Variants in PRKCH observed in about 807,000 individuals in gnomAD.
PRKCH encodes protein kinase C eta type.
PRKCH carries 28 observed loss-of-function variants against 82.5 expected under a neutral mutation model. The ratio of observed to expected loss-of-function variants is 0.34; its 90% CI spans 0.25 to 0.47. The LOEUF is 0.47. Ranked by LOEUF, PRKCH falls within the 20% of genes least tolerant of loss-of-function variation. The probability of loss-of-function intolerance (pLI) is 1.00; values close to 1 mark genes in which losing one functional copy is unlikely to be tolerated. For synonymous variants in PRKCH, 322 were observed against 327.4 expected (o/e 0.98, Z 0.18); for missense variants, 705 against 881.8 (o/e 0.80, Z 2.54).
chr14:61,386,812 A>C (rs997034928), intron 1 of PRKCH, among the ~76,000 whole-genome samples: 9 of 152,186 alleles, frequency 5.9e-5, no homozygotes, highest in African/African-American at 1.7e-4. Flanking sequence ...GGGATGTGAT[A>C]ATTGTTGTCG....
At chr14:61,538,168 T>C (rs536959337) in intron 12 of PRKCH, among the ~76,000 whole-genome samples, 134 of 152,242 alleles carry the variant, frequency 8.8e-4, no homozygotes, top group African/African-American at 2.8e-3. Context: ...TAGGGCTGGT[T>C]TTTCAAACAC....
chr14:61,486,178 G>A (rs1886211486), intron 10 of PRKCH, among the ~76,000 whole-genome samples: 1 of 152,168 alleles, frequency 6.6e-6, no homozygotes, highest in African/African-American at 2.4e-5. Flanking sequence ...TAAACACACT[G>A]TTGTTCTCTT....
intron 2 of PRKCH, among the ~76,000 whole-genome samples, chr14:61,423,941 T>C (rs1181042150): frequency 6.6e-6 from 1 of 152,148 alleles, no homozygotes; most frequent in Admixed American, 6.5e-5. Context: ...TGGGAGGTGA[T>C]TGGATCATGG....
Position 61,503,044 on chromosome 14 carries a change from A to T in PRKCH, c.1433+17388A>T, listed in dbSNP as rs766727071. Among the ~76,000 whole-genome samples, 89 of 140,434 alleles carry T rather than the reference A, an allele frequency of 6.3e-4. 1 individual carries two copies. The highest frequency in any genetic ancestry group is 1.2e-3 in the Non-Finnish European group (80 of 66,264). 92.1% of individuals were successfully genotyped at this position (140,434 alleles called of 152,430 possible). ...TTTTGACTCCTACACAGAAGGTGGA[A>T]TTGAGAAAAATATACTGTGGCGGTG... is the stretch of plus-strand genomic sequence containing the variant. On this transcript the variant is annotated intron_variant, in intron 10 of 13. Transcript: ENST00000332981.
At position 61,387,728 on chromosome 14, in the gene PRKCH, C is replaced by T. The variant is rs79872046; in HGVS notation, c.364-3497C>T. ...TGACACAGTAAGGAATACATCTTTA[C>T]ATTAAAACCTACTGTACCCTTTTAT... On this transcript the variant is annotated intron_variant, in intron 1 of 13. Coordinates refer to ENST00000332981, the MANE Select transcript of PRKCH (RefSeq NM_006255.5). Among the ~76,000 whole-genome samples, 672 of 152,336 alleles carry T rather than the reference C, an allele frequency of 4.4e-3. 6 individuals carry two copies. Among genetic ancestry groups the T allele is most frequent in the African/African-American group, 0.015 (632 of 41,580 alleles).
At chr14:61,232,633 C>T (rs1006725458) in intron 1 of PRKCH, among the ~76,000 whole-genome samples, 4 of 152,158 alleles carry the variant, frequency 2.6e-5, no homozygotes, top group Admixed American at 6.5e-5. Context: ...GGAATGAATC[C>T]CCAGTATGTA....
intron 12 of PRKCH, among the ~76,000 whole-genome samples, chr14:61,533,849 T>C (rs563838849): frequency 3.7e-4 from 56 of 152,338 alleles, no homozygotes; most frequent in South Asian, 1.0e-3. Context: ...TCTGCCCTTA[T>C]CTCTGAAAAA....
intron 2 of PRKCH, among the ~76,000 whole-genome samples, chr14:61,432,319 G>A (rs1212596671): frequency 1.3e-5 from 2 of 151,894 alleles, no homozygotes; most frequent in Non-Finnish European, 2.9e-5. Context: ...TTACTTACAT[G>A]TTTATAATTT....
chr14:61,446,173 C>CAA (rs34051551), intron 4 of PRKCH, among the ~76,000 whole-genome samples: 14 of 79,690 alleles, frequency 1.8e-4, no homozygotes, highest in East Asian at 3.1e-4. Flanking sequence ...GTTATGATTT[C>CAA]AAAAAAAAAA....
intron 10 of PRKCH, among the ~76,000 whole-genome samples, chr14:61,512,184 C>T (rs989708378): frequency 5.3e-5 from 8 of 150,788 alleles, no homozygotes; most frequent in Non-Finnish European, 1.5e-5. Context: ...CAGAAGCACT[C>T]AGGGAGCTCT....
intron 9 of PRKCH, among the ~76,000 whole-genome samples, chr14:61,458,932 C>G (rs1779861916): frequency 6.6e-6 from 1 of 152,166 alleles, no homozygotes; most frequent in Non-Finnish European, 1.5e-5. Flanking sequence ...TGGGTGGGGA[C>G]ACACAGCCAA....
chr14:61,413,055 A>T (rs60952351), intron 2 of PRKCH, among the ~76,000 whole-genome samples: 2,337 of 152,026 alleles, frequency 0.015, 62 homozygotes, highest in African/African-American at 0.054. Context: ...GAAAAAAAAA[A>T]TTCTTCACCT....
chr14:61,317,054 C>T (rs149337047), upstream of PRKCH, among the ~76,000 whole-genome samples: 6 of 152,328 alleles, frequency 3.9e-5, no homozygotes, highest in East Asian at 3.9e-4. Flanking sequence ...AAATACTTCA[C>T]GTCAAACGTG....
At chr14:61,255,176 C>T (rs2044986965) in intron 1 of PRKCH, among the ~76,000 whole-genome samples, 1 of 152,208 alleles carries the variant, frequency 6.6e-6, no homozygotes, top group South Asian at 2.1e-4. Flanking sequence ...AACCTCTTAG[C>T]AGGATTGAGG....
chr14:61,364,681 T>C (rs568258141), intron 1 of PRKCH, among the ~76,000 whole-genome samples: 1 of 151,664 alleles, frequency 6.6e-6, no homozygotes, highest in South Asian at 2.1e-4. Context: ...TACCAAAAAG[T>C]ACAAAAACTT....
At chr14:61,203,453 G>C (rs943525107) in intron 1 of PRKCH, among the ~76,000 whole-genome samples, 6 of 152,062 alleles carry the variant, frequency 3.9e-5, no homozygotes, top group African/African-American at 7.2e-5. Flanking sequence ...GAGGGGCTTG[G>C]GGGGTACTCA....
At chr14:61,439,228 GCAAA>G (rs1459940493) in intron 2 of PRKCH, among the ~76,000 whole-genome samples, 1 of 152,182 alleles carries the variant, frequency 6.6e-6, no homozygotes, top group Admixed American at 6.5e-5. Flanking sequence ...AGGAGGCGGT[GCAAA>G]CAATGAGGAA....
At chr14:61,406,827 T>C (rs1223422038) in intron 2 of PRKCH, among the ~76,000 whole-genome samples, 1 of 152,176 alleles carries the variant, frequency 6.6e-6, no homozygotes, top group Non-Finnish European at 1.5e-5. Context: ...GCAAAAAGGT[T>C]TGAAGATTTC....
At chr14:61,492,059 A>G (rs1318539636) in intron 10 of PRKCH, 1 of 152,224 alleles carries the variant, frequency 6.6e-6, no homozygotes, top group African/African-American at 2.4e-5. Flanking sequence ...AACATTTGAG[A>G]CAGAAGAAAC....
Sources: allele counts gnomAD v4.1 joint callset (sites outside exome capture counted in the v4.1 genomes callset), GRCh38; gene constraint gnomAD v4.1.1; transcripts MANE v1.5; gene names NCBI Gene and HGNC (gene_info 2026-07-23, HGNC 2026-07-21).